FCHSD2: variants seen among roughly 807,000 people sequenced by gnomAD.
FCHSD2 encodes FCH and double SH3 domains 2.
In FCHSD2, 38 loss-of-function variants were observed where a neutral mutation model predicts 108.1. That is an observed-to-expected ratio of 0.35 (90% CI 0.27 to 0.46). The LOEUF (loss-of-function observed/expected upper bound fraction) is 0.46. Ranked by LOEUF, FCHSD2 falls within the 20% of genes least tolerant of loss-of-function variation. The pLI, the probability that FCHSD2 is intolerant of heterozygous loss-of-function variation, is 1.00. For synonymous variants in FCHSD2, 279 were observed against 314.7 expected, an observed-to-expected ratio of 0.89 and a Z score of 1.20; for missense variants, 751 against 897.8, an observed-to-expected ratio of 0.84 and a Z score of 2.09.
intron 10 of FCHSD2, among the ~76,000 whole-genome samples, chr11:72,893,307 T>A (rs887511764): frequency 1.2e-4 from 18 of 151,154 alleles, no homozygotes; most frequent in African/African-American, 3.2e-4. Context: ...CTGGCCTAGA[T>A]CATTCTTTTA....
chr11:72,982,756 C>T (rs935935580), intron 8 of FCHSD2, among the ~76,000 whole-genome samples: 2 of 152,170 alleles, frequency 1.3e-5, no homozygotes, highest in African/African-American at 2.4e-5. Flanking sequence ...ACTGAACATA[C>T]TCTTTTGTTT....
intron 8 of FCHSD2, among the ~76,000 whole-genome samples, chr11:72,982,186 T>C (rs546897172): frequency 6.6e-6 from 1 of 152,298 alleles, no homozygotes; most frequent in African/African-American, 2.4e-5. Context: ...GTTTTTGCAA[T>C]AGGATACTTC....
intron 3 of FCHSD2, among the ~76,000 whole-genome samples, chr11:73,054,298 C>G (rs1244092086): frequency 6.6e-6 from 1 of 151,974 alleles, no homozygotes; most frequent in African/African-American, 2.4e-5. Context: ...CTCTATTTTC[C>G]TTCCCAATCA....
intron 3 of FCHSD2, among the ~76,000 whole-genome samples, chr11:73,053,166 T>TTG: frequency 6.7e-6 from 1 of 149,858 alleles, no homozygotes; most frequent in African/African-American, 2.4e-5. Flanking sequence ...TTTTTTTTTT[T>TTG]GGTCCATAAT....
intron 2 of FCHSD2, among the ~76,000 whole-genome samples, chr11:73,084,208 A>G (rs1859762269): frequency 6.6e-6 from 1 of 152,228 alleles, no homozygotes; most frequent in Non-Finnish European, 1.5e-5. Context: ...TAATGAAAAC[A>G]ATGTGAAAAT....
intron 8 of FCHSD2, among the ~76,000 whole-genome samples, chr11:72,949,550 G>A (rs1013352188): frequency 1.1e-4 from 17 of 152,198 alleles, no homozygotes; most frequent in Admixed American, 2.6e-4. Context: ...CTCTCCCCCT[G>A]TGCCTGGCAA....
intron 10 of FCHSD2, among the ~76,000 whole-genome samples, chr11:72,896,783 A>AG (rs1169690029): frequency 1.3e-5 from 2 of 150,710 alleles, no homozygotes; most frequent in Non-Finnish European, 1.5e-5. Context: ...AAAAAAAAAA[A>AG]AAAAAAAGAA....
At chr11:73,135,417 C>CTAAGAAGGTAGTT (rs1861099971) in intron 2 of FCHSD2, among the ~76,000 whole-genome samples, 1 of 152,152 alleles carries the variant, frequency 6.6e-6, no homozygotes, top group Non-Finnish European at 1.5e-5. Flanking sequence ...TTATAGACCT[C>CTAAGAAGGTAGTT]CTTAAACTGT....
rs1011366178 is a variant in FCHSD2, at chr11:72,913,703, A to G, written c.828+8125T>C. On this transcript the variant is annotated intron_variant, in intron 9 of 19. Transcript: ENST00000409418. Reference sequence around the variant, plus strand: ...CACTTCTGATTTTATTTATTTGGTTATTCTCTTTTTTTCCTCACTAGTCTG... The same window carrying G: ...CACTTCTGATTTTATTTATTTGGTTGTTCTCTTTTTTTCCTCACTAGTCTG... Among the ~76,000 whole-genome samples the G allele has an allele frequency of 6.5e-4, 99 of 151,842 alleles. 1 individual carries two copies. The highest frequency in any genetic ancestry group is 2.0e-3 in the African/African-American group (84 of 41,400).
chr11:72,986,261 G>A (rs1236167460), intron 6 of FCHSD2, among the ~76,000 whole-genome samples: 3 of 152,172 alleles, frequency 2.0e-5, no homozygotes, highest in Non-Finnish European at 2.9e-5. Context: ...CCAGGTCGGA[G>A]TGCAGTGGCG....
chr11:72,905,804 T>C lies in FCHSD2; in HGVS notation c.829-3166A>G, dbSNP rs112195448. On this transcript the variant is annotated intron_variant, in intron 9 of 19. Transcript: ENST00000409418. ...TATGGCTGCATAGTATTCCATGGTGTATATGTGCTATATTTTCTTAATCCA... is the reference window on the plus strand; with the variant it reads ...TATGGCTGCATAGTATTCCATGGTGCATATGTGCTATATTTTCTTAATCCA... Among the ~76,000 whole-genome samples, 879 of 152,336 alleles carry C rather than the reference T, an allele frequency of 5.8e-3. 4 individuals are homozygous for C. The highest frequency in any genetic ancestry group is 0.014 in the South Asian group (67 of 4,822).
intron 3 of FCHSD2, among the ~76,000 whole-genome samples, chr11:73,070,257 T>C (rs549908018): frequency 2.0e-5 from 3 of 152,330 alleles, no homozygotes; most frequent in African/African-American, 7.2e-5. Context: ...AAGCCTCTTA[T>C]ATGGCATAGG....
chr11:73,045,988 ATT>A (rs11289761), intron 3 of FCHSD2, among the ~76,000 whole-genome samples: 463 of 136,650 alleles, frequency 3.4e-3, no homozygotes, highest in Admixed American at 5.5e-3. Context: ...AATTTCAGTA[ATT>A]TTTTTTTTTT....
chr11:72,957,140 G>A (rs957951778), intron 8 of FCHSD2, among the ~76,000 whole-genome samples: 4 of 148,932 alleles, frequency 2.7e-5, no homozygotes, highest in Admixed American at 2.0e-4. Flanking sequence ...CCACTAACTC[G>A]TCAGCTAGCA....
At chr11:73,012,145 A>G (rs1165285790) in intron 4 of FCHSD2, among the ~76,000 whole-genome samples, 1 of 152,212 alleles carries the variant, frequency 6.6e-6, no homozygotes, top group Non-Finnish European at 1.5e-5. Context: ...GGATGTGGAT[A>G]ACAAAAGTAT....
intron 2 of FCHSD2, among the ~76,000 whole-genome samples, chr11:73,087,145 G>A (rs1201345115): frequency 6.6e-6 from 1 of 152,118 alleles, no homozygotes; most frequent in East Asian, 1.9e-4. Flanking sequence ...CAATAATATT[G>A]ATGATTCTGA....
intron 10 of FCHSD2, among the ~76,000 whole-genome samples, chr11:72,895,779 T>C (rs1205835484): frequency 6.6e-6 from 1 of 152,218 alleles, no homozygotes; most frequent in Non-Finnish European, 1.5e-5. Context: ...CTCATGTCTT[T>C]AGTCAAAGCC....
chr11:73,141,887 G>T lies in FCHSD2; in HGVS notation c.-10C>A. 1 of 1,544,544 alleles carries T rather than the reference G, an allele frequency of 6.5e-7. No individual in the cohort carries two copies. On this transcript the variant is annotated 5_prime_UTR_variant, in exon 1 of 20. Transcript: ENST00000409418. ...TCGGCGGCGGCTGCATGATGCTGAA[G>T]GGACATCAATCCTCCCCGACGGCAG... is the stretch of plus-strand genomic sequence containing the variant.
chr11:73,015,765 G>A (rs1214740447), intron 4 of FCHSD2, 44 bp downstream of exon 4: 1 of 1,247,738 alleles, frequency 8.0e-7, no homozygotes, highest in Non-Finnish European at 1.2e-6. Flanking sequence ...ATAGCTTTAA[G>A]TAAAACCGTT....
Sources: gnomAD v4.1 joint callset for allele counts (sites outside exome capture counted in the v4.1 genomes callset) on GRCh38, gnomAD v4.1.1 for gene constraint, MANE v1.5 for transcripts, NCBI Gene and HGNC (gene_info 2026-07-23, HGNC 2026-07-21) for gene names.